Variants in EXOC6 observed in about 807,000 individuals in gnomAD.
EXOC6 encodes the protein exocyst complex component 6.
A neutral mutation model predicts 112.5 loss-of-function variants in EXOC6; 60 were observed. That is an observed-to-expected ratio of 0.53 (90% CI 0.43 to 0.66). The LOEUF (loss-of-function observed/expected upper bound fraction) is 0.66, where lower values mean the gene tolerates loss of function less well. Among genes scored for constraint, EXOC6 ranks in the 30% least tolerant of loss-of-function variants. EXOC6 has a pLI of 0.00. For missense variants in EXOC6, 855 were observed against 957.1 expected (o/e 0.89, Z 1.41); for synonymous variants, 295 against 308.0 (o/e 0.96, Z 0.44).
intron 1 of EXOC6, among the ~76,000 whole-genome samples, chr10:92,890,645 AGT>A (rs143417826): frequency 1.5e-4 from 22 of 149,960 alleles, no homozygotes; most frequent in Admixed American, 3.3e-4. Context: ...GGAAGGGGAT[AGT>A]GTGTGTGTGT....
intron 6 of EXOC6, among the ~76,000 whole-genome samples, chr10:92,912,117 C>G (rs1319784750): frequency 6.6e-6 from 1 of 151,448 alleles, no homozygotes; most frequent in Non-Finnish European, 1.5e-5. Flanking sequence ...TGGGTGCACT[C>G]TGTATCCTGT....
chr10:92,965,442 T>A (rs995845090), intron 17 of EXOC6, among the ~76,000 whole-genome samples: 2 of 152,158 alleles, frequency 1.3e-5, no homozygotes, highest in Non-Finnish European at 2.9e-5. Context: ...AAAGGAAGAA[T>A]TACTTTGTTT....
intron 17 of EXOC6, among the ~76,000 whole-genome samples, chr10:92,958,951 G>C (rs1054647807): frequency 1.3e-5 from 2 of 152,008 alleles, no homozygotes; most frequent in Non-Finnish European, 1.5e-5. Flanking sequence ...AAAATTAACT[G>C]GGTGTGGTGG....
rs114779662 is a variant in EXOC6, at chr10:92,968,029, T to C, written c.1774-6024T>C. ...GAAAATTGACTTACAAATGATGTCA[T>C]TAAGGTGTGTTATCTTTAGTTCTGT... is the stretch of plus-strand genomic sequence containing the variant. On this transcript the variant is annotated intron_variant, in intron 17 of 21. Coordinates refer to ENST00000260762, the MANE Select transcript of EXOC6 (RefSeq NM_019053.6). Among the ~76,000 whole-genome samples, 922 of 152,316 alleles carry C rather than the reference T, an allele frequency of 6.1e-3. 8 individuals carry two copies. The highest frequency in any genetic ancestry group is 0.021 in the African/African-American group (871 of 41,564).
chr10:92,968,282 T>C (rs1329591991), intron 17 of EXOC6, among the ~76,000 whole-genome samples: 1 of 150,616 alleles, frequency 6.6e-6, no homozygotes, highest in Non-Finnish European at 1.5e-5. Flanking sequence ...ACTCCTGAGC[T>C]CAAGCGATCC....
chr10:93,043,421 C>T (rs1333119968), intron 20 of EXOC6, among the ~76,000 whole-genome samples: 1 of 152,026 alleles, frequency 6.6e-6, no homozygotes, highest in Non-Finnish European at 1.5e-5. Flanking sequence ...GTTTTCTTAC[C>T]TGTTTGTTAT....
intron 19 of EXOC6, among the ~76,000 whole-genome samples, chr10:93,008,686 A>C (rs1013196105): frequency 1.3e-5 from 2 of 152,164 alleles, no homozygotes; most frequent in Non-Finnish European, 2.9e-5. Flanking sequence ...AGTAGAAATG[A>C]TTTGTATTAC....
At chr10:92,843,237 G>T (rs1169968794) in intron 1 of EXOC6, among the ~76,000 whole-genome samples, 1 of 152,162 alleles carries the variant, frequency 6.6e-6, no homozygotes, top group Non-Finnish European at 1.5e-5. Flanking sequence ...GACCAGCTGG[G>T]CTTTGTTTAT....
At chr10:93,020,343 C>T (rs1172977456) in intron 20 of EXOC6, among the ~76,000 whole-genome samples, 1 of 152,034 alleles carries the variant, frequency 6.6e-6, no homozygotes, top group African/African-American at 2.4e-5. Context: ...GCCTTTATGC[C>T]TACAGATATA....
At chr10:92,859,978 G>A (rs61860823) in intron 1 of EXOC6, among the ~76,000 whole-genome samples, 3,347 of 152,122 alleles carry the variant, frequency 0.022, 57 homozygotes, top group African/African-American at 0.041. Context: ...GGTAAAGGAA[G>A]CTACTATATA....
chr10:92,965,393 A>G (rs1842005207), intron 17 of EXOC6, among the ~76,000 whole-genome samples: 1 of 152,196 alleles, frequency 6.6e-6, no homozygotes, highest in South Asian at 2.1e-4. Flanking sequence ...TATGCTAGAT[A>G]CATTTCTGCC....
At chr10:92,962,809 G>C (rs554760665) in intron 17 of EXOC6, among the ~76,000 whole-genome samples, 1 of 152,272 alleles carries the variant, frequency 6.6e-6, no homozygotes, top group East Asian at 1.9e-4. Flanking sequence ...TAACAACAGT[G>C]TGTAATAGTA....
chr10:92,994,760 G>C (rs1843408455), intron 18 of EXOC6, among the ~76,000 whole-genome samples: 1 of 151,440 alleles, frequency 6.6e-6, no homozygotes, highest in African/African-American at 2.4e-5. Flanking sequence ...ATTATTAAAG[G>C]CATCAATAAT....
intron 5 of EXOC6, among the ~76,000 whole-genome samples, chr10:92,903,374 T>A (rs1375477597): frequency 7.8e-6 from 1 of 127,516 alleles, no homozygotes; most frequent in African/African-American, 3.4e-5. Flanking sequence ...AATAAACAAA[T>A]TTTTTTTTTT....
chr10:92,975,379 C>A (rs1177366677), intron 18 of EXOC6, among the ~76,000 whole-genome samples: 3 of 151,054 alleles, frequency 2.0e-5, no homozygotes, highest in African/African-American at 7.3e-5. Flanking sequence ...GCAGCCGCCC[C>A]GTCTGAGAAG....
chr10:92,936,402 A>G (rs1852341965), intron 12 of EXOC6, among the ~76,000 whole-genome samples: 1 of 152,246 alleles, frequency 6.6e-6, no homozygotes, highest in Admixed American at 6.5e-5. Flanking sequence ...ACATGATTTG[A>G]AAACTGTATG....
At position 92,971,113 on chromosome 10, in the gene EXOC6, G is replaced by A. The variant is rs369411289; in HGVS notation, c.1774-2940G>A. 4.6e-5 allele frequency among the ~76,000 whole-genome samples: 7 copies of A among 151,854 alleles called. No individual in the cohort carries two copies. In the South Asian group the frequency reaches 8.3e-4, roughly 18 times the overall value. On this transcript the variant is annotated intron_variant, in intron 17 of 21. Coordinates refer to ENST00000260762, the MANE Select transcript of EXOC6 (RefSeq NM_019053.6). ...GTTGCCCAGGCTGGAGTGAAGTGGC[G>A]CGATCTCGGCTCATTGCAAGGAACA...
intron 12 of EXOC6, among the ~76,000 whole-genome samples, chr10:92,939,058 C>T (rs536369769): frequency 2.6e-5 from 4 of 152,114 alleles, no homozygotes; most frequent in Non-Finnish European, 4.4e-5. Flanking sequence ...TGTAGAATAG[C>T]GCTGTGAACA....
chr10:92,983,500 C>CTTTTTTTT (rs11349490), intron 18 of EXOC6, among the ~76,000 whole-genome samples: 1 of 109,398 alleles, frequency 9.1e-6, no homozygotes, highest in Non-Finnish European at 1.8e-5. Flanking sequence ...CTTTCTTCTT[C>CTTTTTTTT]TTTTTTTTTT....
Sources: gnomAD v4.1 joint callset for allele counts (sites outside exome capture counted in the v4.1 genomes callset) on GRCh38, gnomAD v4.1.1 for gene constraint, MANE v1.5 for transcripts, NCBI Gene and HGNC (gene_info 2026-07-23, HGNC 2026-07-21) for gene names.